The following CROCC variants were observed in gnomAD, a reference collection of about 807,000 sequenced individuals.
CROCC encodes rootletin.
Under a neutral mutation model 245.2 loss-of-function variants are expected in CROCC, and 180 were observed. The observed-to-expected ratio is 0.73, with a 90% CI of 0.65 to 0.83. The LOEUF is 0.83. Among genes scored for constraint, CROCC ranks in the 40% least tolerant of loss-of-function variants. CROCC has a pLI of 0.00. For missense variants in CROCC, 2,688 were observed against 2,779.4 expected, an observed-to-expected ratio of 0.97 and a Z score of 0.74; for synonymous variants, 1,205 against 1,241.6, an observed-to-expected ratio of 0.97 and a Z score of 0.62.
Position 16,957,082 on chromosome 1 carries a change from G to C in CROCC, c.3864+926G>C, listed in dbSNP as rs578230632. Among the ~76,000 whole-genome samples, 4 of 152,206 alleles carry C rather than the reference G, an allele frequency of 2.6e-5. No homozygotes were observed. The East Asian group carries it at 7.7e-4, about 29-fold the overall frequency. The stretch of plus-strand genomic sequence containing the variant: ...AGCCCAGGAGTTCGAGACCAGCCTG[G>C]GTAACATGGTGAAAACCTGTCTCTA... On this transcript the variant is annotated intron_variant, in intron 25 of 36. Coordinates refer to ENST00000375541, the MANE Select transcript of CROCC (RefSeq NM_014675.5).
Position 16,958,154 on chromosome 1 carries a change from C to T in CROCC, c.3865-429C>T, listed in dbSNP as rs551777604. Among the ~76,000 whole-genome samples, 7 of 152,298 alleles carry T rather than the reference C, an allele frequency of 4.6e-5. No homozygotes were observed. In the South Asian group the frequency reaches 1.5e-3, roughly 32 times the overall value. On this transcript the variant is annotated intron_variant, in intron 25 of 36. Transcript: ENST00000375541. ...TGTTAGATAGGGATAATGTTACTAC[C>T]TACCTCATATAGCATTGTACCAAGA... is the stretch of plus-strand genomic sequence containing the variant.
At chr1:16,915,019 G>A (rs1353300635) in intron 1 of CROCC, among the ~76,000 whole-genome samples, 1 of 152,242 alleles carries the variant, frequency 6.6e-6, no homozygotes, top group Non-Finnish European at 1.5e-5. Context: ...GACTCCAGGA[G>A]TCAACCCCTG....
At chr1:16,934,637 G>A (rs1382510759) in intron 8 of CROCC, among the ~76,000 whole-genome samples, 4 of 152,234 alleles carry the variant, frequency 2.6e-5, no homozygotes, top group African/African-American at 9.6e-5. Context: ...ATTTTAAGTA[G>A]CCTTTAAAAT....
Position 16,972,577 on chromosome 1 carries a change from T to C in CROCC, c.*131T>C. Reference sequence around the variant, plus strand: ...GGGGTGGGATGAGGAGGCGCTCTGCTGGCAGTGCTGAGGACGGGTACTCCA... The same window carrying C: ...GGGGTGGGATGAGGAGGCGCTCTGCCGGCAGTGCTGAGGACGGGTACTCCA... On this transcript the variant is annotated 3_prime_UTR_variant, in exon 37 of 37. Transcript: ENST00000375541. The C allele has an allele frequency of 1.7e-6, 1 of 605,850 alleles. No individual in the cohort carries two copies. The highest frequency in any genetic ancestry group is 2.9e-6 in the Non-Finnish European group (1 of 348,896). 37.5% of individuals were successfully genotyped at this position (605,850 alleles called of 1,614,324 possible). A position where few individuals can be genotyped will look rare whatever the true frequency, so the allele number is the denominator to read the frequency against.
At chr1:16,937,534 G>A in intron 9 of CROCC, 107 bp from the exon 10 acceptor site, 1 of 914,968 alleles carries the variant, frequency 1.1e-6, no homozygotes, top group African/African-American at 1.6e-5. Flanking sequence ...GGAGGTGGAT[G>A]TTAGGGTCCC....
At chr1:16,927,553 TG>T (rs1227451024) in intron 3 of CROCC, among the ~76,000 whole-genome samples, 2 of 152,256 alleles carry the variant, frequency 1.3e-5, no homozygotes, top group Non-Finnish European at 2.9e-5. Context: ...CAGCCACAGA[TG>T]CCGCCTTAGC....
intron 1 of CROCC, among the ~76,000 whole-genome samples, chr1:16,916,106 G>A (rs2075300327): frequency 6.6e-6 from 1 of 152,220 alleles, no homozygotes; most frequent in African/African-American, 2.4e-5. Flanking sequence ...AACCCAGGAG[G>A]TGGAGGTTGC....
upstream of CROCC, chr1:16,921,805 C>T (rs2075410933): frequency 1.7e-6 from 1 of 571,432 alleles, no homozygotes. Flanking sequence ...TGGCTCCCTG[C>T]CTCTGCTTCC....
chr1:16,916,675 A>AATTTTTTTT (rs2100285817), intron 1 of CROCC, among the ~76,000 whole-genome samples: 1 of 152,368 alleles, frequency 6.6e-6, no homozygotes, highest in African/African-American at 2.4e-5. Context: ...ATGCCAGGCC[A>AATTTTTTTT]ATTTTTTTTA....
chr1:16,951,216 C>A (rs1440885285), intron 20 of CROCC, 94 bp downstream of exon 20: 7 of 1,181,560 alleles, frequency 5.9e-6, no homozygotes, highest in Non-Finnish European at 7.9e-6. Context: ...TGAAATGGGA[C>A]TTCCTCTCTG....
chr1:16,932,097 T>G (rs2075690453), intron 8 of CROCC, among the ~76,000 whole-genome samples: 1 of 152,232 alleles, frequency 6.6e-6, no homozygotes, highest in African/African-American at 2.4e-5. Flanking sequence ...ACTAGAATAT[T>G]CAGCTTTGCT....
chr1:16,936,788 C>T lies in CROCC; in HGVS notation c.1108C>T (p.Gln370Ter). ...CCTGCTGCAGGCCCAGCTGGAGGAG[C>T]AGCTGCGGGACAAGGTGCTCCGCGA... is the stretch of plus-strand genomic sequence containing the variant. ...QALLQAQLEE[Q>*]LRDKVLREKD... is the part of the protein sequence containing the mutation. Residue 370 changes from glutamine to a stop codon, truncating the protein, a stop_gained, in exon 9 of 37, where the codon CAG becomes TAG. Transcript: ENST00000375541. LOFTEE classifies it high-confidence loss of function. 6.2e-7 allele frequency: 1 copy of T among 1,611,914 alleles called. No individual in the cohort carries two copies. The highest frequency in any genetic ancestry group is 8.5e-7 in the Non-Finnish European group (1 of 1,179,792).
At chr1:16,948,308 C>T (rs1293309931) in intron 17 of CROCC, 23 bp from the exon 18 acceptor site, 3 of 1,540,358 alleles carry the variant, frequency 1.9e-6, no homozygotes, top group African/African-American at 1.3e-5. Context: ...GGGAGTGCTA[C>T]TCAGTCTCTG....
At position 16,966,280 on chromosome 1, in the gene CROCC, C is replaced by G. The variant is rs747400001; in HGVS notation, c.4697-128C>G. 1 of 1,424,046 alleles carries G rather than the reference C, an allele frequency of 7.0e-7. No homozygotes were observed. Among genetic ancestry groups the G allele is most frequent in the Non-Finnish European group, 9.3e-7 (1 of 1,076,700 alleles). The allele number at this position is 1,424,046 out of a possible 1,614,324, so 88.2% of individuals were successfully genotyped here. A position where few individuals can be genotyped will look rare whatever the true frequency, so the allele number is the denominator to read the frequency against. On this transcript the variant is annotated intron_variant, in intron 29 of 36. Transcript: ENST00000375541. This position sits in a 1 kb window ranked among gnomAD's most constrained non-coding sequence, Gnocchi z 4.8. ...GGACAGCCTCACCTGTGTGCAGGCCCGCATACTACGAAGGGTGCAGACAGT... is the reference window on the plus strand; with the variant it reads ...GGACAGCCTCACCTGTGTGCAGGCCGGCATACTACGAAGGGTGCAGACAGT...
Position 16,939,018 on chromosome 1 carries a change from C to T in CROCC, c.1484C>T (p.Pro495Leu). 6.2e-7 allele frequency: 1 copy of T among 1,600,436 alleles called. No homozygotes were observed. The highest frequency in any genetic ancestry group is 8.5e-7 in the Non-Finnish European group (1 of 1,175,738). ...CTCTCGGGCCAGCGGACCCCGTCCC[C>T]ACCGCGGCGCTCCTCGCCCGGCCGA... ...RGLSGQRTPS[P>L]PRRSSPGRGR... Residue 495 changes from proline (P) to leucine (L), a missense_variant, in exon 12 of 37, where the codon CCA (proline) becomes CTA (leucine). Around this residue, in one of 9 missense-constraint regions of CROCC, gnomAD observed 972 missense variants for 895.3 expected, o/e 1.09. Coordinates refer to ENST00000375541, the MANE Select transcript of CROCC (RefSeq NM_014675.5).
intron 13 of CROCC, chr1:16,940,634 C>T (rs564268164): frequency 9.0e-6 from 2 of 222,374 alleles, no homozygotes; most frequent in East Asian, 1.5e-4. Flanking sequence ...ATGTTCTACC[C>T]GCGTCCATCT....
intron 12 of CROCC, 70 bp downstream of exon 12, chr1:16,939,212 G>T: frequency 1.6e-6 from 2 of 1,243,968 alleles, no homozygotes; most frequent in African/African-American, 1.7e-5. Flanking sequence ...CTCCGGGTGG[G>T]GGCGGGGGCG....
At chr1:16,922,194 T>G (rs940675904) in intron 1 of CROCC, 116 bp downstream of exon 1, 3 of 1,116,778 alleles carry the variant, frequency 2.7e-6, no homozygotes, top group Admixed American at 2.9e-5. Flanking sequence ...GTGGTGGTGG[T>G]GGGGTATACA....
upstream of CROCC, among the ~76,000 whole-genome samples, chr1:16,917,099 C>CA (rs1456842197): frequency 6.6e-6 from 1 of 152,290 alleles, no homozygotes; most frequent in Non-Finnish European, 1.5e-5. Context: ...GACTGGGTGA[C>CA]AGAGCCAGAC....
Sources: allele counts gnomAD v4.1 joint callset (sites outside exome capture counted in the v4.1 genomes callset), GRCh38; gene constraint gnomAD v4.1.1; regional missense constraint gnomAD v4.1.1; non-coding constraint Gnocchi (gnomAD v3.1); transcripts MANE v1.5; gene names NCBI Gene and HGNC (gene_info 2026-07-23, HGNC 2026-07-21).